ADAM9: variants seen among roughly 807,000 people sequenced by gnomAD.
The protein encoded by ADAM9 is ADAM metallopeptidase domain 9, also known as disintegrin and metalloproteinase domain-containing protein 9.
Under a neutral mutation model 108.1 loss-of-function variants are expected in ADAM9, and 54 were observed. The observed-to-expected ratio is 0.50, with a 90% CI of 0.40 to 0.63. ADAM9 has a LOEUF of 0.63. Among genes scored for constraint, ADAM9 ranks in the 20% least tolerant of loss-of-function variants. The pLI is 0.00. For missense variants in ADAM9, 830 were observed against 997.7 expected (o/e 0.83, Z 2.26); for synonymous variants, 316 against 336.0 (o/e 0.94, Z 0.65).
Position 39,103,818 on chromosome 8 carries a change from C to G in ADAM9, c.*118C>G, listed in dbSNP as rs777770602. 2 of 942,386 alleles carry G rather than the reference C, an allele frequency of 2.1e-6. No individual in the cohort carries two copies. The highest frequency in any genetic ancestry group is 4.9e-5 in the East Asian group (2 of 40,424). The allele number at this position is 942,386 out of a possible 1,614,324, so 58.4% of individuals were successfully genotyped here. A position where few individuals can be genotyped will look rare whatever the true frequency, so the allele number is the denominator to read the frequency against. Reference sequence around the variant, plus strand: ...AACTATGAATGAAAACAAAACACCACAAAACAGACTTCACTAACACAGAAA... The same window carrying G: ...AACTATGAATGAAAACAAAACACCAGAAAACAGACTTCACTAACACAGAAA... On this transcript the variant is annotated 3_prime_UTR_variant, in exon 22 of 22. Transcript: ENST00000487273.
intron 11 of ADAM9, among the ~76,000 whole-genome samples, chr8:39,034,497 TC>T (rs1302962179): frequency 6.6e-6 from 1 of 152,204 alleles, no homozygotes; most frequent in Non-Finnish European, 1.5e-5. Flanking sequence ...TCTCTGACCT[TC>T]CATTTGGTAT....
chr8:39,069,154 C>T (rs1437754048), intron 14 of ADAM9, among the ~76,000 whole-genome samples: 1 of 152,036 alleles, frequency 6.6e-6, no homozygotes, highest in Non-Finnish European at 1.5e-5. Flanking sequence ...TTCTGAGATA[C>T]ATTGAGTCAT....
intron 20 of ADAM9, among the ~76,000 whole-genome samples, chr8:39,100,950 A>G (rs1236997327): frequency 2.0e-5 from 3 of 152,228 alleles, no homozygotes; most frequent in East Asian, 1.9e-4. Flanking sequence ...GTAAACTTCA[A>G]CTACTTCATC....
At chr8:39,026,409 A>G (rs1042056828) in intron 10 of ADAM9, among the ~76,000 whole-genome samples, 3 of 152,168 alleles carry the variant, frequency 2.0e-5, no homozygotes, top group Admixed American at 1.3e-4. Context: ...AGAACCATTA[A>G]CTTGTTTTCC....
intron 14 of ADAM9, among the ~76,000 whole-genome samples, chr8:39,059,580 C>T (rs548673985): frequency 6.6e-6 from 1 of 152,344 alleles, no homozygotes; most frequent in Non-Finnish European, 1.5e-5. Context: ...TTAAAATTCT[C>T]CTCTACTGAG....
intron 16 of ADAM9, among the ~76,000 whole-genome samples, chr8:39,079,594 ATTTTTTTT>A (rs397786496): frequency 7.0e-6 from 1 of 142,200 alleles, no homozygotes; most frequent in Non-Finnish European, 1.5e-5. Context: ...AATATCATGA[ATTTTTTTT>A]TTTTTTTTTT....
At chr8:39,088,828 T>C (rs1241044906) in intron 18 of ADAM9, among the ~76,000 whole-genome samples, 1 of 152,172 alleles carries the variant, frequency 6.6e-6, no homozygotes, top group Non-Finnish European at 1.5e-5. Flanking sequence ...TATTTCCAAC[T>C]TGTATCATGG....
At chr8:39,034,097 T>C (rs1258222748) in intron 11 of ADAM9, among the ~76,000 whole-genome samples, 1 of 152,188 alleles carries the variant, frequency 6.6e-6, no homozygotes, top group Non-Finnish European at 1.5e-5. Flanking sequence ...CTTGTTATGT[T>C]GCCCAGGCTG....
intron 7 of ADAM9, 78 bp downstream of exon 7, chr8:39,018,996 T>C (rs1836644535): frequency 4.6e-6 from 6 of 1,309,280 alleles, no homozygotes; most frequent in Non-Finnish European, 6.6e-6. Context: ...AAATCTAAAC[T>C]ACACATTGTT....
Position 38,997,117 on chromosome 8 carries a change from G to A in ADAM9, c.54G>A (p.Leu18=). 6.2e-7 allele frequency: 1 copy of A among 1,605,278 alleles called. No individual in the cohort carries two copies. The highest frequency in any genetic ancestry group is 8.5e-7 in the Non-Finnish European group (1 of 1,179,582). Residue 18 remains leucine (L), a synonymous_variant, in exon 1 of 22, where the codon CTG becomes CTA. Transcript: ENST00000487273. ...GGACCCTTCGTGTCCGGTGGTTGCT[G>A]TTGCTTGGCCTGGTGGGCCCAGTCC... is the stretch of plus-strand genomic sequence containing the variant. The part of the protein sequence containing the change: ...PSGTLRVRWL[L]LLGLVGPVLG...
Position 39,045,060 on chromosome 8 carries a change from GCATACATACATA to G in ADAM9, c.1302+2944_1302+2955del, listed in dbSNP as rs1396452807. On this transcript the variant is annotated intron_variant, in intron 12 of 21. Transcript: ENST00000487273. ...TACATATGTATGTGTATGTGTGTGT[GCATACATACATA>G]TGTGTGTGTGCATACATACATATGT... is the stretch of plus-strand genomic sequence containing the variant. 1.8e-3 allele frequency among the ~76,000 whole-genome samples: 45 copies of G among 25,430 alleles called. No homozygotes were observed. The East Asian group carries it at 0.072, about 41-fold the overall frequency. 16.7% of individuals were successfully genotyped at this position (25,430 alleles called of 152,430 possible).
chr8:39,053,337 A>G (rs779504884), intron 12 of ADAM9, among the ~76,000 whole-genome samples: 11 of 152,106 alleles, frequency 7.2e-5, no homozygotes, highest in Non-Finnish European at 1.3e-4. Flanking sequence ...AGTTTATTTT[A>G]TAAACTTGTA....
At chr8:39,071,612 A>C (rs1392995615) in intron 15 of ADAM9, among the ~76,000 whole-genome samples, 1 of 152,014 alleles carries the variant, frequency 6.6e-6, no homozygotes, top group Admixed American at 6.6e-5. Flanking sequence ...GACTACAGGC[A>C]TGTGCCACCA....
intron 1 of ADAM9, 116 bp downstream of exon 1, chr8:38,997,276 T>G: frequency 8.0e-7 from 1 of 1,253,934 alleles, no homozygotes; most frequent in South Asian, 1.3e-5. Flanking sequence ...GGACCCGGGG[T>G]CGGGGGGCGC....
At chr8:39,008,088 T>C (rs1836222445) in intron 2 of ADAM9, 105 bp downstream of exon 2, 1 of 834,676 alleles carries the variant, frequency 1.2e-6, no homozygotes, top group Admixed American at 2.0e-5. Context: ...AGTTATTACT[T>C]GGCTGTTACT....
Position 38,997,038 on chromosome 8 carries a change from G to A in ADAM9, c.-26G>A, listed in dbSNP as rs746416424. 3.1e-6 allele frequency: 5 copies of A among 1,604,034 alleles called. No individual in the cohort carries two copies. In the African/African-American group the frequency reaches 5.3e-5, roughly 17 times the overall value. ...GCGGAGGTGGAGGCGACCGAGTGCT[G>A]AGAGGAACCTGCGGAATCGGCCGAG... On this transcript the variant is annotated 5_prime_UTR_variant, in exon 1 of 22. It removes the in-frame stop codon of an upstream open reading frame in the 5' UTR. Coordinates refer to ENST00000487273, the MANE Select transcript of ADAM9 (RefSeq NM_003816.3).
At chr8:39,035,006 A>G (rs990788811) in intron 11 of ADAM9, among the ~76,000 whole-genome samples, 1 of 152,166 alleles carries the variant, frequency 6.6e-6, no homozygotes, top group African/African-American at 2.4e-5. Context: ...TCATGTCTTT[A>G]CATATTGCCT....
chr8:39,040,800 T>C (rs894092775), intron 11 of ADAM9, among the ~76,000 whole-genome samples: 3 of 152,136 alleles, frequency 2.0e-5, no homozygotes. Flanking sequence ...TCCAAACATG[T>C]GTAGTCAATT....
chr8:39,067,866 A>T (rs1838536622), intron 14 of ADAM9, among the ~76,000 whole-genome samples: 1 of 152,126 alleles, frequency 6.6e-6, no homozygotes, highest in South Asian at 2.1e-4. Context: ...ATTCAGTATG[A>T]TATTGGCTGT....
Sources: allele counts gnomAD v4.1 joint callset (sites outside exome capture counted in the v4.1 genomes callset), GRCh38; gene constraint gnomAD v4.1.1; transcripts MANE v1.5; gene names NCBI Gene and HGNC (gene_info 2026-07-23, HGNC 2026-07-21).